TBC1D5: variants seen among roughly 807,000 people sequenced by gnomAD.
TBC1D5 encodes TBC1 domain family, member 5.
TBC1D5 carries 75 observed loss-of-function variants against 100.3 expected under a neutral mutation model. The ratio of observed to expected loss-of-function variants is 0.75; its 90% confidence interval spans 0.62 to 0.91. The LOEUF is 0.91. Among genes scored for constraint, TBC1D5 ranks in the 40% least tolerant of loss-of-function variants. The probability of loss-of-function intolerance (pLI) is 0.00; values close to 1 mark genes in which losing one functional copy is unlikely to be tolerated. For missense variants in TBC1D5, 910 were observed against 942.4 expected, an observed-to-expected ratio of 0.97 and a Z score of 0.45; for synonymous variants, 323 against 325.6, an observed-to-expected ratio of 0.99 and a Z score of 0.09.
At chr3:17,573,932 T>C (rs943582206) in intron 2 of TBC1D5, among the ~76,000 whole-genome samples, 1 of 152,080 alleles carries the variant, frequency 6.6e-6, no homozygotes. Context: ...TTAACTCTGT[T>C]GATCCAGTAC....
At chr3:17,496,894 T>A (rs1251503856) in intron 3 of TBC1D5, among the ~76,000 whole-genome samples, 2 of 152,198 alleles carry the variant, frequency 1.3e-5, no homozygotes, top group East Asian at 1.9e-4. Context: ...CTCTTCAGCC[T>A]GATTTACAAA....
At chr3:17,711,098 G>A (rs376038287) in intron 1 of TBC1D5, among the ~76,000 whole-genome samples, 1 of 152,130 alleles carries the variant, frequency 6.6e-6, no homozygotes, top group East Asian at 1.9e-4. Flanking sequence ...AGGATTATAA[G>A]GTCTAAAATG....
intron 1 of TBC1D5, among the ~76,000 whole-genome samples, chr3:17,710,805 C>T (rs1438643067): frequency 2.0e-5 from 3 of 152,012 alleles, no homozygotes; most frequent in African/African-American, 4.8e-5. Flanking sequence ...TCAAGCAATT[C>T]TCCTGCCTCG....
chr3:17,390,230 G>A (rs542758362), intron 8 of TBC1D5, among the ~76,000 whole-genome samples: 1 of 152,036 alleles, frequency 6.6e-6, no homozygotes, highest in Non-Finnish European at 1.5e-5. Flanking sequence ...ACCAACTTTG[G>A]AGCCCCAATA....
At chr3:17,165,822 G>A (rs1002799576) in intron 21 of TBC1D5, among the ~76,000 whole-genome samples, 40 of 152,020 alleles carry the variant, frequency 2.6e-4, no homozygotes, top group African/African-American at 8.0e-4. Flanking sequence ...TCGTCTTATC[G>A]GATAATGGAC....
At chr3:17,705,905 C>T (rs561659927) in intron 1 of TBC1D5, among the ~76,000 whole-genome samples, 2 of 151,796 alleles carry the variant, frequency 1.3e-5, no homozygotes, top group Non-Finnish European at 2.9e-5. Flanking sequence ...GCGTCTGCTC[C>T]TTGCCCTCGG....
chr3:17,438,227 C>G lies in TBC1D5; in HGVS notation c.98-9708G>C, dbSNP rs192228137. ...CTTAGCACATAAACAACAAAGCAGA[C>G]TTTCAGAAGAGCTTGCTAAGAAGTA... On this transcript the variant is annotated intron_variant, in intron 3 of 21. Transcript: ENST00000253692. Among the ~76,000 whole-genome samples, 380 of 152,286 alleles carry G rather than the reference C, an allele frequency of 2.5e-3. 2 individuals are homozygous for G. The highest frequency in any genetic ancestry group is 8.4e-3 in the African/African-American group (348 of 41,564).
chr3:17,740,794 G>T (rs2077364108), exon 1 of TBC1D5: 1 of 152,256 alleles, frequency 6.6e-6, no homozygotes, highest in African/African-American at 2.4e-5. Context: ...CAGAGACCAG[G>T]ATTTTTTTCG....
chr3:17,280,466 C>A (rs1235904677), intron 15 of TBC1D5, among the ~76,000 whole-genome samples: 1 of 152,076 alleles, frequency 6.6e-6, no homozygotes. Context: ...ATAAAAAACC[C>A]TATACCCATA....
chr3:17,165,104 G>A lies in TBC1D5; in HGVS notation c.2094+1663C>T, dbSNP rs149026950. On this transcript the variant is annotated intron_variant, in intron 21 of 21. Coordinates refer to ENST00000253692, the Ensembl canonical transcript of TBC1D5. ...CTTGGATACTGCACGTGATGAGGCC[G>A]TGCCAGAACAAGGGTGCAGTTTCAT... Among the ~76,000 whole-genome samples the A allele has an allele frequency of 1.4e-4, 21 of 152,254 alleles. No homozygotes were observed. In the East Asian group the frequency reaches 3.9e-3, roughly 28 times the overall value.
intron 1 of TBC1D5, among the ~76,000 whole-genome samples, chr3:17,643,860 G>A (rs560526354): frequency 2.6e-5 from 4 of 152,034 alleles, no homozygotes; most frequent in Non-Finnish European, 5.9e-5. Context: ...CATATTTAAG[G>A]TTTTCCAAAT....
chr3:17,628,037 G>GA (rs551723291), intron 1 of TBC1D5, among the ~76,000 whole-genome samples: 117 of 151,542 alleles, frequency 7.7e-4, no homozygotes, highest in African/African-American at 2.8e-3. Context: ...ATTACAATGA[G>GA]AAAAAAAATC....
intron 13 of TBC1D5, among the ~76,000 whole-genome samples, chr3:17,355,352 T>G (rs2091113794): frequency 6.6e-6 from 1 of 152,218 alleles, no homozygotes; most frequent in African/African-American, 2.4e-5. Context: ...GAACACCAAC[T>G]CTCAGGAGGC....
At chr3:17,194,117 C>A (rs1252071771) in intron 18 of TBC1D5, among the ~76,000 whole-genome samples, 1 of 152,140 alleles carries the variant, frequency 6.6e-6, no homozygotes, top group South Asian at 2.1e-4. Context: ...GGATGGGATG[C>A]AGCTGGTCCA....
At chr3:17,445,109 C>T (rs761321942) in intron 3 of TBC1D5, among the ~76,000 whole-genome samples, 1 of 152,168 alleles carries the variant, frequency 6.6e-6, no homozygotes, top group South Asian at 2.1e-4. Context: ...GGCAACCCAG[C>T]TACAGACCAT....
In TBC1D5 at chr3:17,664,360, G is replaced by A. The variant is rs542048203; in HGVS notation, c.-100-40447C>T. Reference sequence around the variant, plus strand: ...GCTGGGATTACAGGTGTGAGCCACCGTGCCTGGCCAGAAAATGATTTTTAG... The same window carrying A: ...GCTGGGATTACAGGTGTGAGCCACCATGCCTGGCCAGAAAATGATTTTTAG... On this transcript the variant is annotated intron_variant, in intron 1 of 21. Coordinates refer to ENST00000253692, the Ensembl canonical transcript of TBC1D5. Among the ~76,000 whole-genome samples the A allele has an allele frequency of 1.7e-3, 257 of 152,224 alleles. 2 individuals carry two copies. The highest frequency in any genetic ancestry group is 5.9e-3 in the African/African-American group (246 of 41,526).
intron 17 of TBC1D5, 129 bp downstream of exon 17, chr3:17,238,034 T>A: frequency 7.5e-7 from 1 of 1,339,094 alleles, no homozygotes; most frequent in Middle Eastern, 2.6e-4. Context: ...TCCAACTTTA[T>A]ATAACATATT....
intron 3 of TBC1D5, among the ~76,000 whole-genome samples, chr3:17,469,781 T>C (rs1220079843): frequency 6.6e-6 from 1 of 152,250 alleles, no homozygotes; most frequent in East Asian, 1.9e-4. Flanking sequence ...TGTATTTTGC[T>C]GAAGGAAGAC....
At chr3:17,270,175 A>T (rs1457772933) in intron 15 of TBC1D5, among the ~76,000 whole-genome samples, 2 of 152,076 alleles carry the variant, frequency 1.3e-5, no homozygotes, top group African/African-American at 4.8e-5. Flanking sequence ...TCAACTTTTT[A>T]ATAATAGTCA....
Sources: gnomAD v4.1 joint callset for allele counts (sites outside exome capture counted in the v4.1 genomes callset) on GRCh38, gnomAD v4.1.1 for gene constraint, MANE v1.5 for transcripts, NCBI Gene and HGNC (gene_info 2026-07-23, HGNC 2026-07-21) for gene names.